Variants in ABCA13 observed in about 807,000 individuals in gnomAD.
ABCA13 encodes ATP-binding cassette sub-family A member 13.
ABCA13 carries 476 observed loss-of-function variants against 478.7 expected under a neutral mutation model. That is an observed-to-expected ratio of 0.99 (90% confidence interval 0.92 to 1.07). The LOEUF is 1.07. Ranked by LOEUF, ABCA13 falls within the 50% of genes least tolerant of loss-of-function variation. ABCA13 has a pLI of 0.00. For synonymous variants in ABCA13, 2,252 were observed against 2,158.9 expected, an observed-to-expected ratio of 1.04 and a Z score of -1.20; for missense variants, 6,060 against 5,910.6, an observed-to-expected ratio of 1.03 and a Z score of -0.83.
chr7:48,529,838 A>T (rs7809744), intron 55 of ABCA13, among the ~76,000 whole-genome samples: 35,923 of 152,124 alleles, frequency 0.24, 4,732 homozygotes, highest in Middle Eastern at 0.34. Context: ...CTTGCAGTCT[A>T]TTAGAAGAGA....
intron 55 of ABCA13, among the ~76,000 whole-genome samples, chr7:48,575,547 T>A (rs1262048495): frequency 6.6e-6 from 1 of 152,192 alleles, no homozygotes; most frequent in Non-Finnish European, 1.5e-5. Flanking sequence ...CTGCCAGTGA[T>A]AAACTTGAGA....
chr7:48,435,113 A>T (rs567742556), intron 42 of ABCA13, among the ~76,000 whole-genome samples: 5 of 151,880 alleles, frequency 3.3e-5, no homozygotes, highest in African/African-American at 1.2e-4. Context: ...TATCTCAAAA[A>T]TATTAAGTTT....
At position 48,487,171 on chromosome 7, in the gene ABCA13, G is replaced by A. The variant is rs143028231; in HGVS notation, c.13183-2065G>A. ...ACTAAAAATACAAAATTAGCCGGGC[G>A]TGGTGGCACATGCCTGTAATGCCAG... On this transcript the variant is annotated intron_variant, in intron 47 of 61. Coordinates refer to ENST00000435803, the MANE Select transcript of ABCA13 (RefSeq NM_152701.5). Among the ~76,000 whole-genome samples the A allele has an allele frequency of 8.2e-4, 124 of 152,110 alleles. 1 individual carries two copies. The South Asian group carries it at 8.5e-3, about 10-fold the overall frequency.
At chr7:48,179,740 A>T (rs927257255) in intron 1 of ABCA13, among the ~76,000 whole-genome samples, 1 of 152,188 alleles carries the variant, frequency 6.6e-6, no homozygotes, top group Non-Finnish European at 1.5e-5. Flanking sequence ...AAAGATCCCA[A>T]ATGGAAGCTA....
chr7:48,618,604 C>G (rs954643043), intron 59 of ABCA13, among the ~76,000 whole-genome samples: 1 of 152,186 alleles, frequency 6.6e-6, no homozygotes, highest in Admixed American at 6.5e-5. Flanking sequence ...TGGAAGGAAA[C>G]CTGAGCAAGG....
chr7:48,355,219 G>A (rs1343657838), intron 31 of ABCA13, among the ~76,000 whole-genome samples: 1 of 151,904 alleles, frequency 6.6e-6, no homozygotes, highest in African/African-American at 2.4e-5. Flanking sequence ...AGGGGAAGAT[G>A]GAATTGTTAA....
In ABCA13 at chr7:48,272,535, G is replaced by C. The variant is rs1252584683; in HGVS notation, c.2869G>C (p.Asp957His). ...ACACCTAAATGTCTTCCAGGACAAG[G>C]ATTCAGCTTTACTTCTGCAAATTTA... Reference protein sequence around the residue: ...HIHLNVFQDKDSALLLQIYSS... With the variant: ...HIHLNVFQDKHSALLLQIYSS... Residue 957 changes from aspartate to histidine, a missense_variant, in exon 17 of 62, where the codon GAT becomes CAT. By Grantham distance (81) the Asp-to-His change is moderately conservative. Around this residue, in one of 3 missense-constraint regions of ABCA13, gnomAD observed 4,423 missense variants for 4,309.1 expected, o/e 1.03. Coordinates refer to ENST00000435803, the MANE Select transcript of ABCA13 (RefSeq NM_152701.5). 3.7e-6 allele frequency: 6 copies of C among 1,613,722 alleles called. No homozygotes were observed. The Admixed American group carries it at 1.0e-4, about 27-fold the overall frequency.
At chr7:48,402,296 A>G (rs1817713389) in intron 38 of ABCA13, among the ~76,000 whole-genome samples, 1 of 152,118 alleles carries the variant, frequency 6.6e-6, no homozygotes, top group South Asian at 2.1e-4. Context: ...TTTCTTGTCT[A>G]TTTGTCTTCT....
intron 58 of ABCA13, among the ~76,000 whole-genome samples, chr7:48,599,989 A>G (rs1790716913): frequency 1.3e-5 from 2 of 152,222 alleles, no homozygotes; most frequent in African/African-American, 2.4e-5. Context: ...TTTCCTGGGT[A>G]TTCTATCAAT....
At chr7:48,635,872 G>GA (rs1263284193) in intron 59 of ABCA13, among the ~76,000 whole-genome samples, 1 of 152,160 alleles carries the variant, frequency 6.6e-6, no homozygotes, top group Non-Finnish European at 1.5e-5. Flanking sequence ...GCTGTATACA[G>GA]AAAAATAGCA....
intron 32 of ABCA13, among the ~76,000 whole-genome samples, chr7:48,370,558 A>T (rs1031272158): frequency 6.6e-6 from 1 of 152,130 alleles, no homozygotes; most frequent in Admixed American, 6.5e-5. Flanking sequence ...CCATAGTGAA[A>T]TAAAATTGGA....
chr7:48,236,237 GT>G (rs1789934210), intron 8 of ABCA13, among the ~76,000 whole-genome samples: 2 of 152,182 alleles, frequency 1.3e-5, no homozygotes, highest in Admixed American at 6.5e-5. Flanking sequence ...GAGTTATCCT[GT>G]TTTGCAGAGA....
chr7:48,415,710 C>T (rs893002199), intron 41 of ABCA13, among the ~76,000 whole-genome samples: 11 of 151,796 alleles, frequency 7.2e-5, no homozygotes, highest in Admixed American at 2.6e-4. Context: ...CATTTTGCTT[C>T]AATATTTTAT....
intron 15 of ABCA13, among the ~76,000 whole-genome samples, chr7:48,260,534 G>A (rs76685689): frequency 0.019 from 2,816 of 152,010 alleles, 78 homozygotes; most frequent in African/African-American, 0.064. Context: ...TCTTAATTTT[G>A]TGGGGAATCA....
intron 7 of ABCA13, 130 bp downstream of exon 7, chr7:48,230,085 T>A: frequency 8.8e-7 from 1 of 1,139,132 alleles, no homozygotes; most frequent in South Asian, 2.2e-5. Flanking sequence ...AAAGTATGAA[T>A]TGTTTCTGTT....
At chr7:48,553,501 C>T (rs1785510789) in intron 55 of ABCA13, among the ~76,000 whole-genome samples, 1 of 151,946 alleles carries the variant, frequency 6.6e-6, no homozygotes, top group Non-Finnish European at 1.5e-5. Context: ...TGGATAAAAG[C>T]CATTTTAACT....
intron 29 of ABCA13, among the ~76,000 whole-genome samples, chr7:48,340,457 A>G (rs1041869533): frequency 9.9e-5 from 15 of 152,214 alleles, no homozygotes; most frequent in Admixed American, 9.8e-4. Flanking sequence ...AAAAGTATAT[A>G]TGTCTGTTGT....
intron 42 of ABCA13, among the ~76,000 whole-genome samples, chr7:48,431,007 G>A (rs965083655): frequency 6.6e-6 from 1 of 151,990 alleles, no homozygotes; most frequent in African/African-American, 2.4e-5. Context: ...CATTGCTTCA[G>A]CTGTACCCTG....
intron 39 of ABCA13, among the ~76,000 whole-genome samples, chr7:48,407,473 CAA>C (rs71765027): frequency 1.4e-5 from 2 of 140,260 alleles, no homozygotes; most frequent in Admixed American, 6.9e-5. Flanking sequence ...GAGACTGTGT[CAA>C]AAAAAAAAAA....
Sources: allele counts gnomAD v4.1 joint callset (sites outside exome capture counted in the v4.1 genomes callset), GRCh38; gene constraint gnomAD v4.1.1; regional missense constraint gnomAD v4.1.1; transcripts MANE v1.5; gene names NCBI Gene and HGNC (gene_info 2026-07-23, HGNC 2026-07-21).